The following TEX9 variants were observed in gnomAD, a reference collection of about 807,000 sequenced individuals.
TEX9 encodes the protein testis expressed 9.
In TEX9, 74 loss-of-function variants were observed where a neutral mutation model predicts 59.6. That is an observed-to-expected ratio of 1.24 (90% CI 1.03 to 1.51). TEX9 has a LOEUF of 1.51. TEX9 is among the 40% of genes most tolerant of loss of function. The pLI, the probability that TEX9 is intolerant of heterozygous loss-of-function variation, is 0.00. For missense variants in TEX9, 522 were observed against 447.8 expected, an observed-to-expected ratio of 1.17 and a Z score of -1.49; for synonymous variants, 186 against 152.2, an observed-to-expected ratio of 1.22 and a Z score of -1.64.
intron 12 of TEX9, chr15:56,434,004 A>C (rs900435008): frequency 1.0e-6 from 1 of 971,528 alleles, no homozygotes; most frequent in South Asian, 2.7e-5. Context: ...ATGGTCAGAA[A>C]ATTTATATAT....
At chr15:56,452,293 A>AG in the TEX9 span, among the ~76,000 whole-genome samples, 11 of 152,160 alleles carry the variant, frequency 7.2e-5, no homozygotes, top group Admixed American at 7.2e-4. Flanking sequence ...TAGGTGCAAA[A>AG]GGCCTCTACC....
intron 9 of TEX9, chr15:56,408,939 T>G (rs1170729442): frequency 6.6e-6 from 1 of 152,538 alleles, no homozygotes; most frequent in Non-Finnish European, 1.5e-5. Flanking sequence ...GGCTTACACC[T>G]GTAATCCCAG....
At chr15:56,399,759 C>T (rs2048678511) in intron 9 of TEX9, among the ~76,000 whole-genome samples, 1 of 152,176 alleles carries the variant, frequency 6.6e-6, no homozygotes, top group African/African-American at 2.4e-5. Context: ...GACGAAGCTC[C>T]CGGAGGAAGC....
At chr15:56,283,384 T>G (rs1446329316) in intron 1 of TEX9, among the ~76,000 whole-genome samples, 2 of 152,320 alleles carry the variant, frequency 1.3e-5, no homozygotes, top group East Asian at 3.9e-4. Context: ...TACTAGATAT[T>G]AAAGCATATT....
chr15:56,393,785 C>G (rs1393020191), intron 7 of TEX9: 1 of 169,238 alleles, frequency 5.9e-6, no homozygotes, highest in African/African-American at 2.4e-5. Context: ...CAGTCAGTGG[C>G]ATTTTGTAAT....
At chr15:56,275,128 A>C (rs1478809748) in intron 1 of TEX9, among the ~76,000 whole-genome samples, 1 of 152,128 alleles carries the variant, frequency 6.6e-6, no homozygotes, top group Non-Finnish European at 1.5e-5. Context: ...CTTTCACTCC[A>C]GTACTAGCAA....
At chr15:56,373,883 A>C (rs1385043293) in intron 3 of TEX9, among the ~76,000 whole-genome samples, 1 of 152,090 alleles carries the variant, frequency 6.6e-6, no homozygotes, top group Non-Finnish European at 1.5e-5. Flanking sequence ...CTATGCCCCA[A>C]AATGGAGTTG....
Position 56,334,556 on chromosome 15 carries a change from G to C in TEX9, c.-106-38885G>C, listed in dbSNP as rs576522584. 1.1e-3 allele frequency among the ~76,000 whole-genome samples: 165 copies of C among 152,210 alleles called. 1 individual carries two copies. The highest frequency in any genetic ancestry group is 3.6e-3 in the African/African-American group (151 of 41,536). On this transcript the variant is annotated intron_variant, in intron 1 of 5. Transcript: ENST00000560827. ...ACTCAAAACTGTGAAACTACTGAAA[G>C]AAATACTGGGGACACTCTTTAGAAC... is the stretch of plus-strand genomic sequence containing the variant.
chr15:56,409,603 C>A (rs1454113762), intron 9 of TEX9, among the ~76,000 whole-genome samples: 1 of 152,146 alleles, frequency 6.6e-6, no homozygotes, highest in African/African-American at 2.4e-5. Context: ...CCAGCTCAAG[C>A]AATCCTTCTG....
At chr15:56,284,503 A>G (rs1224105799) in intron 1 of TEX9, among the ~76,000 whole-genome samples, 1 of 152,098 alleles carries the variant, frequency 6.6e-6, no homozygotes, top group Non-Finnish European at 1.5e-5. Context: ...TATAATATTA[A>G]TTAAAATAAG....
chr15:56,380,758 G>A (rs1349794982), intron 3 of TEX9, among the ~76,000 whole-genome samples: 1 of 152,130 alleles, frequency 6.6e-6, no homozygotes, highest in Non-Finnish European at 1.5e-5. Flanking sequence ...CTCCTGGTCT[G>A]TAAGGTTTCC....
chr15:56,333,498 A>G (rs2141785561), intron 1 of TEX9, among the ~76,000 whole-genome samples: 1 of 149,910 alleles, frequency 6.7e-6, no homozygotes, highest in Non-Finnish European at 1.5e-5. Flanking sequence ...AACCCTCAAA[A>G]AACTGGATAC....
chr15:56,374,684 T>TC (rs1446308135), intron 3 of TEX9: 3 of 152,130 alleles, frequency 2.0e-5, no homozygotes, highest in African/African-American at 7.2e-5. Context: ...CATCCTTATC[T>TC]CCCACCCCTG....
intron 12 of TEX9, among the ~76,000 whole-genome samples, chr15:56,437,006 C>A (rs2140338817): frequency 6.6e-6 from 1 of 152,222 alleles, no homozygotes; most frequent in East Asian, 1.9e-4. Flanking sequence ...GGATTCACAG[C>A]CGAATTCTAC....
chr15:56,408,885 G>A (rs2049208358), intron 9 of TEX9: 1 of 152,188 alleles, frequency 6.6e-6, no homozygotes, highest in African/African-American at 2.4e-5. Flanking sequence ...TACCACAGTG[G>A]CCAGAGTAAT....
In TEX9 at chr15:56,259,652, G is replaced by A. The variant is rs149515547; in HGVS notation, c.-107+15374G>A. Among the ~76,000 whole-genome samples the A allele has an allele frequency of 3.3e-5, 5 of 152,084 alleles. No homozygotes were observed. In the East Asian group the frequency reaches 9.6e-4, roughly 29 times the overall value. On this transcript the variant is annotated intron_variant, in intron 1 of 5. Coordinates refer to the TEX9 transcript ENST00000560827. ...ATTAAATATTGTAGCTTTATGGTAA[G>A]TTATGCTATCTGATATGGTAAATCT... is the stretch of plus-strand genomic sequence containing the variant.
chr15:56,301,551 A>G (rs566682867), intron 1 of TEX9, among the ~76,000 whole-genome samples: 1 of 152,262 alleles, frequency 6.6e-6, no homozygotes, highest in East Asian at 1.9e-4. Context: ...CAAGAGAAAA[A>G]AAAATGAAGA....
At chr15:56,284,707 A>G (rs1185800843) in intron 1 of TEX9, among the ~76,000 whole-genome samples, 1 of 152,008 alleles carries the variant, frequency 6.6e-6, no homozygotes, top group East Asian at 1.9e-4. Context: ...TGCATCCTAA[A>G]TTGCTGTAGC....
intron 9 of TEX9, among the ~76,000 whole-genome samples, chr15:56,403,536 C>A (rs1250298553): frequency 3.9e-5 from 6 of 152,176 alleles, no homozygotes; most frequent in Admixed American, 6.5e-5. Context: ...GAATCAATAT[C>A]GTGAAAATGG....
Sources: gnomAD v4.1 joint callset for allele counts (sites outside exome capture counted in the v4.1 genomes callset) on GRCh38, gnomAD v4.1.1 for gene constraint, MANE v1.5 for transcripts, NCBI Gene and HGNC (gene_info 2026-07-23, HGNC 2026-07-21) for gene names.